Variants in CDK13 observed in about 807,000 individuals in gnomAD.
The protein encoded by CDK13 is cyclin-dependent kinase 13.
In CDK13, 40 loss-of-function variants were observed where a neutral mutation model predicts 137.6. The observed-to-expected ratio is 0.29, with a 90% CI of 0.23 to 0.38. The LOEUF is 0.38. Ranked by LOEUF, CDK13 falls within the 10% of genes least tolerant of loss-of-function variation. The pLI, the probability that CDK13 is intolerant of heterozygous loss-of-function variation, is 1.00. For synonymous variants in CDK13, 869 were observed against 760.1 expected (o/e 1.14, Z -2.36); for missense variants, 1,704 against 1,951.8 (o/e 0.87, Z 2.39).
At position 39,951,718 on chromosome 7, in the gene CDK13, G is replaced by T; in HGVS notation, c.1077G>T (p.Pro359=). 6.8e-7 allele frequency: 1 copy of T among 1,473,122 alleles called. No individual in the cohort carries two copies. The highest frequency in any genetic ancestry group is 2.6e-5 in the East Asian group (1 of 38,442). The allele number at this position is 1,473,122 out of a possible 1,614,324, so 91.3% of individuals were successfully genotyped here. ...SPYSRRLPRS[P]SPYSRRRSPS... is the part of the protein sequence containing the mutation. The stretch of plus-strand genomic sequence containing the variant: ...ATTCTCGGCGGCTGCCGCGCTCCCC[G>T]AGCCCCTACAGTCGCCGCCGCTCCC... The change falls in exon 1 of 14, where the codon CCG becomes CCT. Residue 359 remains proline, a synonymous_variant. Coordinates refer to ENST00000181839, the MANE Select transcript of CDK13 (RefSeq NM_003718.5).
At chr7:40,063,794 A>C (rs1183263867) in intron 9 of CDK13, among the ~76,000 whole-genome samples, 1 of 151,888 alleles carries the variant, frequency 6.6e-6, no homozygotes, top group Non-Finnish European at 1.5e-5. Context: ...AGTAGCTCAG[A>C]TTACGGGTGC....
In CDK13 at chr7:40,027,715, C is replaced by T. The variant is rs578074746; in HGVS notation, c.2354-18121C>T. Among the ~76,000 whole-genome samples, 13 of 129,322 alleles carry T rather than the reference C, an allele frequency of 1.0e-4. No individual in the cohort carries two copies. The South Asian group carries it at 3.2e-3, about 32-fold the overall frequency. The allele number at this position is 129,322 out of a possible 152,430, so 84.8% of individuals were successfully genotyped here. ...TTTTTTCTGTTCTCAGTCTGTGTAG[C>T]TGTGAAGCCTGCTCTGTTTCTACGG... On this transcript the variant is annotated intron_variant, in intron 5 of 13. Coordinates refer to ENST00000181839, the MANE Select transcript of CDK13 (RefSeq NM_003718.5).
intron 1 of CDK13, among the ~76,000 whole-genome samples, chr7:39,966,628 C>T (rs996003190): frequency 6.6e-6 from 1 of 152,208 alleles, no homozygotes; most frequent in African/African-American, 2.4e-5. Context: ...AAGTCATTCT[C>T]TGTCCAGCTT....
At chr7:39,976,649 C>T (rs1339263979) in intron 1 of CDK13, among the ~76,000 whole-genome samples, 1 of 152,024 alleles carries the variant, frequency 6.6e-6, no homozygotes, top group Non-Finnish European at 1.5e-5. Flanking sequence ...TCTAAATATA[C>T]TATGTTTTTT....
rs747009138 is a variant in CDK13 at position 39,967,591 on chromosome 7, A to G, written c.1211+15739A>G. Among the ~76,000 whole-genome samples the G allele has an allele frequency of 6.6e-5, 10 of 152,146 alleles. 1 individual carries two copies. Among genetic ancestry groups the G allele is most frequent in the Admixed American group, 2.6e-4 (4 of 15,252 alleles). On this transcript the variant is annotated intron_variant, in intron 1 of 13. Coordinates refer to ENST00000181839, the MANE Select transcript of CDK13 (RefSeq NM_003718.5). ...GACATCTCCTAAGCATACTGATTTC[A>G]GTTCCTTTGGGTATATACCCAGAAG...
chr7:40,020,096 C>T (rs1424479570), intron 5 of CDK13, among the ~76,000 whole-genome samples: 1 of 152,002 alleles, frequency 6.6e-6, no homozygotes, highest in Non-Finnish European at 1.5e-5. Flanking sequence ...GAGACCGGGT[C>T]TTGCTCTGTC....
rs376497004 is a variant in CDK13, at chr7:39,951,784, C to A, written c.1143C>A (p.Asp381Glu). The A allele has an allele frequency of 1.4e-6, 2 of 1,475,078 alleles. No individual in the cohort carries two copies. The highest frequency in any genetic ancestry group is 1.5e-5 in the African/African-American group (1 of 68,550). 91.4% of individuals were successfully genotyped at this position (1,475,078 alleles called of 1,614,324 possible). The stretch of plus-strand genomic sequence containing the variant: ...ACAGCTCCTACGAGCGGGGCGGCGA[C>A]GTGTCCCCTAGTCCCTACAGCAGCA... ...SRHSSYERGGDVSPSPYSSSS... is the reference protein window; with the variant it reads ...SRHSSYERGGEVSPSPYSSSS... The change falls in exon 1 of 14, where the codon GAC becomes GAA. Residue 381 changes from aspartate (D) to glutamate (E), a missense_variant. By Grantham distance (45) the Asp-to-Glu change is conservative. This residue lies in a region of CDK13 where 1,051 missense variants were observed against 931.0 expected (regional missense o/e 1.13). Transcript: ENST00000181839.
intron 2 of CDK13, among the ~76,000 whole-genome samples, chr7:39,992,198 G>GTA (rs1784477513): frequency 7.3e-6 from 1 of 136,588 alleles, no homozygotes; most frequent in Admixed American, 7.4e-5. Flanking sequence ...GTGTGTGTGT[G>GTA]TGTATACACT....
chr7:40,070,958 G>C (rs1401755155), intron 9 of CDK13: 1 of 152,154 alleles, frequency 6.6e-6, no homozygotes, highest in Admixed American at 6.5e-5. Context: ...ATTGAAAGTA[G>C]ATTAGAATTA....
chr7:40,002,902 A>G (rs967188421), intron 5 of CDK13, among the ~76,000 whole-genome samples: 1 of 87,884 alleles, frequency 1.1e-5, no homozygotes, highest in Non-Finnish European at 1.9e-5. Flanking sequence ...CCATCTCTAC[A>G]AAAAAAAAAA....
chr7:39,959,375 G>A (rs1289392316), intron 1 of CDK13, among the ~76,000 whole-genome samples: 2 of 151,616 alleles, frequency 1.3e-5, no homozygotes, highest in East Asian at 3.9e-4. Context: ...TGGTCAGACT[G>A]GTCTCGAACT....
intron 7 of CDK13, among the ~76,000 whole-genome samples, chr7:40,052,505 T>C (rs1693073126): frequency 1.3e-5 from 2 of 152,156 alleles, no homozygotes; most frequent in African/African-American, 2.4e-5. Flanking sequence ...ATAATATTAC[T>C]ATGATCAAAA....
intron 5 of CDK13, among the ~76,000 whole-genome samples, chr7:40,042,802 C>G (rs1408679026): frequency 6.8e-6 from 1 of 147,216 alleles, no homozygotes; most frequent in Non-Finnish European, 1.5e-5. Context: ...TTTTTTGAGA[C>G]TGGGTCTGTC....
At chr7:39,982,160 C>A (rs1179748117) in intron 1 of CDK13, among the ~76,000 whole-genome samples, 1 of 133,370 alleles carries the variant, frequency 7.5e-6, no homozygotes, top group African/African-American at 2.8e-5. Context: ...TGCTATCCCT[C>A]CCCCCTCCCC....
intron 5 of CDK13, among the ~76,000 whole-genome samples, chr7:40,039,434 A>ATTTTTTTTTTTTTTTTTTTTTTTTTT (rs976319927): frequency 1.6e-4 from 14 of 85,000 alleles, no homozygotes; most frequent in African/African-American, 7.2e-4. Context: ...TGCCCGGCTA[A>ATTTTTTTTTTTTTTTTTTTTTTTTTT]TTTTTTTTTT....
intron 1 of CDK13, chr7:39,984,991 C>CT (rs1401541581): frequency 1.4e-5 from 2 of 144,938 alleles, no homozygotes; most frequent in Non-Finnish European, 3.0e-5. Flanking sequence ...GAGCGAGACT[C>CT]TGACTAAAAA....
chr7:40,038,900 A>T (rs1245754604), intron 5 of CDK13, among the ~76,000 whole-genome samples: 2 of 151,984 alleles, frequency 1.3e-5, no homozygotes, highest in Non-Finnish European at 1.5e-5. Context: ...TCTTCGTGTT[A>T]GTTAGTCTGG....
At chr7:40,041,280 C>T (rs915475577) in intron 5 of CDK13, among the ~76,000 whole-genome samples, 34 of 152,212 alleles carry the variant, frequency 2.2e-4, no homozygotes, top group Admixed American at 1.7e-3. Flanking sequence ...GAGCCAAGAT[C>T]GTGCCACTGC....
chr7:39,979,027 G>C (rs908461635), intron 1 of CDK13, among the ~76,000 whole-genome samples: 2 of 152,118 alleles, frequency 1.3e-5, no homozygotes, highest in African/African-American at 2.4e-5. Context: ...GGGATTGTGT[G>C]AGCTTGATGA....
Sources: allele counts gnomAD v4.1 joint callset (sites outside exome capture counted in the v4.1 genomes callset), GRCh38; gene constraint gnomAD v4.1.1; regional missense constraint gnomAD v4.1.1; transcripts MANE v1.5; gene names NCBI Gene and HGNC (gene_info 2026-07-23, HGNC 2026-07-21).